The following FSTL5 variants were observed in gnomAD, a reference collection of about 807,000 sequenced individuals.
FSTL5 encodes the protein follistatin-related protein 5.
In FSTL5, 62 loss-of-function variants were observed where a neutral mutation model predicts 89.1. The ratio of observed to expected loss-of-function variants is 0.70; its 90% confidence interval spans 0.57 to 0.86. FSTL5 has a LOEUF of 0.86. FSTL5 is among the 40% of genes least tolerant of loss of function. The pLI is 0.00. For missense variants in FSTL5, 1,057 were observed against 1,001.6 expected (o/e 1.06, Z -0.75); for synonymous variants, 383 against 346.2 (o/e 1.11, Z -1.18).
intron 15 of FSTL5, among the ~76,000 whole-genome samples, chr4:161,416,575 T>C (rs1274333437): frequency 2.0e-5 from 3 of 152,182 alleles, no homozygotes; most frequent in Non-Finnish European, 4.4e-5. Context: ...CCAGGCGTGG[T>C]GGCTCACACC....
At chr4:161,476,173 G>GGTTT (rs1309725557) in intron 13 of FSTL5, among the ~76,000 whole-genome samples, 1 of 80,478 alleles carries the variant, frequency 1.2e-5, no homozygotes, top group African/African-American at 5.4e-5. Context: ...AAGTTTGCTG[G>GGTTT]TTTTTTTTTT....
At chr4:161,538,088 CCTTTA>C (rs1731691073) in intron 10 of FSTL5, 73 bp downstream of exon 10, 1 of 1,392,472 alleles carries the variant, frequency 7.2e-7, no homozygotes, top group Non-Finnish European at 1.0e-6. Flanking sequence ...TTTTCTGGTG[CCTTTA>C]CTTTTTAAAA....
chr4:162,033,476 G>A, intron 3 of FSTL5, 149 bp downstream of exon 3: 1 of 537,894 alleles, frequency 1.9e-6, no homozygotes. Flanking sequence ...AATCCTCATA[G>A]GGCTCAAAAT....
chr4:161,459,394 A>C, intron 13 of FSTL5, 75 bp from the exon 14 acceptor site: 6 of 819,504 alleles, frequency 7.3e-6, no homozygotes, highest in Non-Finnish European at 1.2e-5. Flanking sequence ...AATTATGAAG[A>C]TTCTAATTTA....
At chr4:161,630,890 A>G (rs577230912) in intron 7 of FSTL5, among the ~76,000 whole-genome samples, 3 of 152,330 alleles carry the variant, frequency 2.0e-5, no homozygotes, top group African/African-American at 7.2e-5. Context: ...TGAACTTGTC[A>G]TAGAAACAAA....
At chr4:161,690,274 T>C (rs1355016714) in intron 6 of FSTL5, among the ~76,000 whole-genome samples, 1 of 152,160 alleles carries the variant, frequency 6.6e-6, no homozygotes, top group Admixed American at 6.5e-5. Flanking sequence ...ACCTGTTATG[T>C]TTTCATCTTG....
chr4:161,788,629 T>C (rs1260645993), intron 4 of FSTL5, among the ~76,000 whole-genome samples: 2 of 152,200 alleles, frequency 1.3e-5, no homozygotes, highest in African/African-American at 2.4e-5. Context: ...CTCATGCCTA[T>C]AAACCCAACA....
At chr4:161,794,399 T>C (rs1323183708) in intron 4 of FSTL5, among the ~76,000 whole-genome samples, 1 of 152,224 alleles carries the variant, frequency 6.6e-6, no homozygotes, top group Non-Finnish European at 1.5e-5. Flanking sequence ...TTCACTCACA[T>C]TGGCCTAGTA....
chr4:161,848,118 G>A (rs188202847), intron 4 of FSTL5, among the ~76,000 whole-genome samples: 68 of 147,300 alleles, frequency 4.6e-4, no homozygotes, highest in African/African-American at 1.6e-3. Context: ...TTTAAGAAAA[G>A]GTAATCGTCT....
At chr4:161,705,923 T>G in intron 6 of FSTL5, among the ~76,000 whole-genome samples, 1 of 116,710 alleles carries the variant, frequency 8.6e-6, no homozygotes, top group Non-Finnish European at 1.8e-5. Context: ...AAAAGAAAAA[T>G]ACATATGCAT....
chr4:161,740,612 A>G (rs1434620), intron 6 of FSTL5, among the ~76,000 whole-genome samples: 84,853 of 151,634 alleles, frequency 0.56, 26,795 homozygotes, highest in Non-Finnish European at 0.71. Context: ...ATATCACATT[A>G]TATTGACACA....
At chr4:161,535,907 T>A (rs756488568) in intron 10 of FSTL5, among the ~76,000 whole-genome samples, 12 of 152,094 alleles carry the variant, frequency 7.9e-5, no homozygotes, top group Non-Finnish European at 1.8e-4. Flanking sequence ...TACTCAGCCA[T>A]AAAGAAGAAT....
chr4:162,000,470 C>T (rs1275381440), intron 3 of FSTL5, among the ~76,000 whole-genome samples: 4 of 151,534 alleles, frequency 2.6e-5, no homozygotes, highest in Non-Finnish European at 5.9e-5. Context: ...TGGTGGCAGG[C>T]GCCTGTAATC....
At position 161,774,756 on chromosome 4, in the gene FSTL5, T is replaced by C. The variant is rs542257251; in HGVS notation, c.606+1122A>G. ...TGCTTAAATTAGAAATTTATTTTAA[T>C]TTAATTAACTAGTTATTTATTCTTA... On this transcript the variant is annotated intron_variant, in intron 5 of 15. Coordinates refer to ENST00000306100, the MANE Select transcript of FSTL5 (RefSeq NM_020116.5). Among the ~76,000 whole-genome samples the C allele has an allele frequency of 3.6e-5, 5 of 140,118 alleles. No homozygotes were observed. In the South Asian group the frequency reaches 1.1e-3, roughly 30 times the overall value. 91.9% of individuals were successfully genotyped at this position (140,118 alleles called of 152,430 possible). A position where few individuals can be genotyped will look rare whatever the true frequency, so the allele number is the denominator to read the frequency against.
At chr4:161,684,281 G>A (rs1254403202) in intron 6 of FSTL5, among the ~76,000 whole-genome samples, 1 of 152,048 alleles carries the variant, frequency 6.6e-6, no homozygotes, top group African/African-American at 2.4e-5. Flanking sequence ...TTTTGCTCTG[G>A]GTAGATACCC....
At chr4:161,907,911 C>T (rs1379951744) in intron 4 of FSTL5, among the ~76,000 whole-genome samples, 1 of 151,980 alleles carries the variant, frequency 6.6e-6, no homozygotes, top group East Asian at 1.9e-4. Context: ...GATACCTGCT[C>T]CATCTTTTAA....
chr4:161,828,113 G>C (rs1283485100), intron 4 of FSTL5, among the ~76,000 whole-genome samples: 1 of 152,206 alleles, frequency 6.6e-6, no homozygotes. Context: ...TGGGGACTGA[G>C]AGAGCCCACA....
At chr4:161,775,141 T>G (rs757485007) in intron 5 of FSTL5, among the ~76,000 whole-genome samples, 2 of 152,052 alleles carry the variant, frequency 1.3e-5, no homozygotes, top group Non-Finnish European at 2.9e-5. Flanking sequence ...AAAAAATGAA[T>G]AGCATATTAT....
intron 3 of FSTL5, among the ~76,000 whole-genome samples, chr4:161,985,017 C>T (rs912063118): frequency 7.3e-5 from 11 of 150,860 alleles, no homozygotes; most frequent in African/African-American, 1.9e-4. Flanking sequence ...AGTGCAGTGG[C>T]GTGATCATGG....
Sources: gnomAD v4.1 joint callset for allele counts (sites outside exome capture counted in the v4.1 genomes callset) on GRCh38, gnomAD v4.1.1 for gene constraint, MANE v1.5 for transcripts, NCBI Gene and HGNC (gene_info 2026-07-23, HGNC 2026-07-21) for gene names.